Variants in SMCHD1 observed in about 807,000 individuals in gnomAD.
SMCHD1 encodes the protein structural maintenance of chromosomes flexible hinge domain containing 1.
In SMCHD1, 78 loss-of-function variants were observed where a neutral mutation model predicts 254.7. That is an observed-to-expected ratio of 0.31 (90% CI 0.26 to 0.37). The LOEUF (loss-of-function observed/expected upper bound fraction) is 0.37, where lower values mean the gene tolerates loss of function less well. SMCHD1 is among the 10% of genes least tolerant of loss of function. The pLI is 1.00. For synonymous variants in SMCHD1, 766 were observed against 794.9 expected, an observed-to-expected ratio of 0.96 and a Z score of 0.61; for missense variants, 1,840 against 2,408.1, an observed-to-expected ratio of 0.76 and a Z score of 4.94.
intron 1 of SMCHD1, among the ~76,000 whole-genome samples, chr18:2,662,977 C>T (rs1402344244): frequency 2.0e-5 from 3 of 152,090 alleles, no homozygotes; most frequent in Admixed American, 2.0e-4. Flanking sequence ...TGTACAGAGG[C>T]CTACACTTGA....
intron 13 of SMCHD1, among the ~76,000 whole-genome samples, chr18:2,704,153 A>G (rs749785285): frequency 6.6e-6 from 1 of 152,142 alleles, no homozygotes; most frequent in Non-Finnish European, 1.5e-5. Flanking sequence ...ATTTAACAAC[A>G]GTAACAACAA....
At chr18:2,773,902 G>A (rs2076023873) in intron 41 of SMCHD1, among the ~76,000 whole-genome samples, 1 of 152,120 alleles carries the variant, frequency 6.6e-6, no homozygotes, top group Non-Finnish European at 1.5e-5. Flanking sequence ...CAGCCTGAGT[G>A]ACAGAGCGAG....
chr18:2,795,878 A>T (rs2076254121), intron 45 of SMCHD1, 71 bp from the exon 46 acceptor site: 2 of 1,380,588 alleles, frequency 1.4e-6, no homozygotes, highest in Middle Eastern at 3.7e-4. Flanking sequence ...AGTGTTGCTC[A>T]TTTTTTCCCC....
Position 2,728,534 on chromosome 18 carries a change from G to C in SMCHD1, c.2851G>C (p.Val951Leu). ...AAATGGAACAGCTTTCCCATTTCAG[G>C]TGGAAGTTTTAGATGAATCAGACAA... Reference protein sequence around the residue: ...IENGTAFPFQVEVLDESDNIT... With the variant: ...IENGTAFPFQLEVLDESDNIT... Residue 951 changes from valine (V) to leucine (L), a missense_variant, in exon 23 of 48, where the codon GTG (valine) becomes CTG (leucine). Coordinates refer to ENST00000320876, the MANE Select transcript of SMCHD1 (RefSeq NM_015295.3). 1.2e-6 allele frequency: 2 copies of C among 1,613,304 alleles called. No individual in the cohort carries two copies. Among genetic ancestry groups the C allele is most frequent in the East Asian group, 4.5e-5 (2 of 44,796 alleles).
At chr18:2,736,388 C>T (rs1204554503) in intron 25 of SMCHD1, among the ~76,000 whole-genome samples, 4 of 152,158 alleles carry the variant, frequency 2.6e-5, no homozygotes, top group Non-Finnish European at 5.9e-5. Flanking sequence ...GCAGTTACAA[C>T]ACAAACAAAA....
At chr18:2,795,792 TTTTA>T (rs2076252958) in intron 45 of SMCHD1, among the ~76,000 whole-genome samples, 153 bp from the exon 46 acceptor site, 1 of 152,240 alleles carries the variant, frequency 6.6e-6, no homozygotes, top group Non-Finnish European at 1.5e-5. Flanking sequence ...AACTATGCTT[TTTTA>T]TTTCATTTGT....
At chr18:2,788,597 ATTTAT>A (rs890344831) in intron 45 of SMCHD1, among the ~76,000 whole-genome samples, 1 of 151,862 alleles carries the variant, frequency 6.6e-6, no homozygotes, top group South Asian at 2.1e-4. Context: ...TTTAATATTC[ATTTAT>A]TTTATTTTAT....
intron 7 of SMCHD1, chr18:2,691,985 A>G (rs1313827262): frequency 1.3e-5 from 2 of 152,292 alleles, no homozygotes; most frequent in African/African-American, 4.8e-5. Context: ...TGATAACACA[A>G]AACTTTTAAA....
intron 3 of SMCHD1, among the ~76,000 whole-genome samples, chr18:2,668,125 C>A (rs1448849354): frequency 1.3e-5 from 2 of 152,150 alleles, no homozygotes; most frequent in African/African-American, 4.8e-5. Flanking sequence ...AGTGATCCTC[C>A]CGCCTCGGCC....
chr18:2,764,976 GTA>G (rs1231883504), intron 37 of SMCHD1, among the ~76,000 whole-genome samples: 5 of 152,280 alleles, frequency 3.3e-5, no homozygotes, highest in Non-Finnish European at 5.9e-5. Context: ...CCTGCCAGAA[GTA>G]TATGTCTATC....
chr18:2,706,613 GA>G lies in SMCHD1; in HGVS notation c.2063+150del. ...TACCTATTGAGATGAACTTCTTGTT[GA>G]AAAAAATTAAGAGGTCTAGTTATAC... is the stretch of plus-strand genomic sequence containing the variant. On this transcript the variant is annotated intron_variant, in intron 15 of 47. Transcript: ENST00000320876. 1.0e-5 allele frequency: 5 copies of G among 488,314 alleles called. No homozygotes were observed. The South Asian group carries it at 1.6e-4, about 15-fold the overall frequency. 30.2% of individuals were successfully genotyped at this position (488,314 alleles called of 1,614,324 possible).
chr18:2,708,907 T>TATATATATATATATATA (rs769432583), intron 17 of SMCHD1, among the ~76,000 whole-genome samples: 12 of 44,700 alleles, frequency 2.7e-4, no homozygotes, highest in East Asian at 1.2e-3. Context: ...TATATATATA[T>TATATATATATATATATA]AACATATTAA....
intron 12 of SMCHD1, among the ~76,000 whole-genome samples, chr18:2,701,615 A>G (rs1055934607): frequency 6.6e-6 from 1 of 152,218 alleles, no homozygotes; most frequent in Non-Finnish European, 1.5e-5. Flanking sequence ...AAAATGGGGT[A>G]AAACTGTGAA....
rs1225365595 is a variant in SMCHD1, at chr18:2,797,173, T to A, written c.5993+652T>A. Among the ~76,000 whole-genome samples, 5 of 152,360 alleles carry A rather than the reference T, an allele frequency of 3.3e-5. No individual in the cohort carries two copies. The East Asian group carries it at 9.6e-4, about 29-fold the overall frequency. On this transcript the variant is annotated intron_variant, in intron 47 of 47. Coordinates refer to ENST00000320876, the MANE Select transcript of SMCHD1 (RefSeq NM_015295.3). Reference sequence around the variant, plus strand: ...AGTATAGAATATGCAAAACCATTTGTAAATCACTTATTTTAAAATTGCTTA... The same window carrying A: ...AGTATAGAATATGCAAAACCATTTGAAAATCACTTATTTTAAAATTGCTTA...
At chr18:2,725,302 GT>G (rs200299311) in intron 21 of SMCHD1, among the ~76,000 whole-genome samples, 2,445 of 141,674 alleles carry the variant, frequency 0.017, 43 homozygotes, top group African/African-American at 0.057. Context: ...GGACTCTGCT[GT>G]TTTTTTTTTT....
intron 34 of SMCHD1, among the ~76,000 whole-genome samples, chr18:2,755,299 A>C (rs1297336064): frequency 6.6e-6 from 1 of 151,920 alleles, no homozygotes; most frequent in African/African-American, 2.4e-5. Context: ...TAGCCTACCA[A>C]CTAGCTGGGA....
At chr18:2,725,268 C>A (rs2075004011) in intron 21 of SMCHD1, among the ~76,000 whole-genome samples, 1 of 151,304 alleles carries the variant, frequency 6.6e-6, no homozygotes, top group Admixed American at 6.6e-5. Context: ...ACATTCAAAG[C>A]CATTTTTTCG....
At chr18:2,780,133 G>A (rs2076130202) in intron 44 of SMCHD1, among the ~76,000 whole-genome samples, 1 of 147,760 alleles carries the variant, frequency 6.8e-6, no homozygotes, top group South Asian at 2.2e-4. Flanking sequence ...CAGGTACTTA[G>A]GAGGCTGAGG....
intron 22 of SMCHD1, chr18:2,727,024 C>T (rs1598373452): frequency 6.5e-6 from 1 of 152,680 alleles, no homozygotes; most frequent in South Asian, 2.1e-4. Flanking sequence ...GGGTTAGTAT[C>T]TAGGTAAACT....
Sources: gnomAD v4.1 joint callset for allele counts (sites outside exome capture counted in the v4.1 genomes callset) on GRCh38, gnomAD v4.1.1 for gene constraint, MANE v1.5 for transcripts, NCBI Gene and HGNC (gene_info 2026-07-23, HGNC 2026-07-21) for gene names.